The following C10orf90 variants were observed in gnomAD, a reference collection of about 807,000 sequenced individuals.
C10orf90 encodes chromosome 10 open reading frame 90.
A neutral mutation model predicts 62.5 loss-of-function variants in C10orf90; 56 were observed. That is an observed-to-expected ratio of 0.90 (90% CI 0.72 to 1.12). The LOEUF is 1.12. Among genes scored for constraint, C10orf90 ranks in the 50% most tolerant of loss-of-function variants. The pLI is 0.00. For synonymous variants in C10orf90, 386 were observed against 340.4 expected (o/e 1.13, Z -1.47); for missense variants, 970 against 880.4 (o/e 1.10, Z -1.29).
chr10:126,492,067 A>C (rs1263069778), intron 4 of C10orf90, among the ~76,000 whole-genome samples: 1 of 152,236 alleles, frequency 6.6e-6, no homozygotes, highest in Non-Finnish European at 1.5e-5. Flanking sequence ...CGGATCCTGG[A>C]ACAGAAAAAG....
intron 2 of C10orf90, among the ~76,000 whole-genome samples, chr10:126,565,161 AT>A (rs376141688): frequency 0.17 from 4,785 of 28,606 alleles, 680 homozygotes; most frequent in Non-Finnish European, 0.22. Context: ...GTAATATAAT[AT>A]TTATATTACA....
chr10:126,594,552 G>A (rs536856898), intron 2 of C10orf90, among the ~76,000 whole-genome samples: 1 of 152,258 alleles, frequency 6.6e-6, no homozygotes, highest in East Asian at 1.9e-4. Flanking sequence ...CACCCTCCTG[G>A]TGACTGTATT....
At chr10:126,549,962 T>TC (rs1864593914) in intron 2 of C10orf90, among the ~76,000 whole-genome samples, 1 of 150,710 alleles carries the variant, frequency 6.6e-6, no homozygotes, top group African/African-American at 2.4e-5. Context: ...GCTTTCTTTT[T>TC]TTTTTTTTTT....
intron 2 of C10orf90, among the ~76,000 whole-genome samples, chr10:126,565,387 TATATATATTATATTATATATA>T (rs1844352884): frequency 1.3e-5 from 1 of 74,564 alleles, no homozygotes; most frequent in Non-Finnish European, 2.4e-5. Context: ...TAATATATAT[TATATATATTATATTATATATA>T]ATATATATTA....
rs539136830 is a variant in C10orf90 at position 126,560,407 on chromosome 10, G to A, written c.314-46468C>T. ...AAATGGTGAATAATAAGCTGCCGAC[G>A]CGCACGGTGCATGGTTGGAGGCCCT... is the stretch of plus-strand genomic sequence containing the variant. On this transcript the variant is annotated intron_variant, in intron 2 of 9. Coordinates refer to ENST00000488181, the MANE Select transcript of C10orf90 (RefSeq NM_001350921.2). Among the ~76,000 whole-genome samples the A allele has an allele frequency of 7.2e-5, 11 of 152,274 alleles. No homozygotes were observed. In the South Asian group the frequency reaches 1.9e-3, roughly 26 times the overall value.
intron 7 of C10orf90, among the ~76,000 whole-genome samples, chr10:126,447,938 G>A (rs1409753424): frequency 6.6e-6 from 1 of 150,950 alleles, no homozygotes; most frequent in Non-Finnish European, 1.5e-5. Flanking sequence ...TGCAACCTCC[G>A]CCTCCGGGGT....
chr10:126,666,918 T>C (rs530526983), intron 1 of C10orf90, among the ~76,000 whole-genome samples: 27 of 150,738 alleles, frequency 1.8e-4, no homozygotes, highest in Middle Eastern at 3.4e-3. Flanking sequence ...AGGCGGAGGT[T>C]GCAGTGAGCC....
At chr10:126,596,350 C>A (rs375456329) in intron 2 of C10orf90, among the ~76,000 whole-genome samples, 2 of 149,470 alleles carry the variant, frequency 1.3e-5, no homozygotes, top group African/African-American at 4.9e-5. Context: ...AAATTAAAAT[C>A]TTGTGCTCCT....
At chr10:126,627,216 G>A (rs566981160) in intron 2 of C10orf90, among the ~76,000 whole-genome samples, 4 of 152,044 alleles carry the variant, frequency 2.6e-5, no homozygotes, top group African/African-American at 9.7e-5. Flanking sequence ...GGCCAGGCTG[G>A]TCTAGACTCC....
chr10:126,504,943 T>C lies in C10orf90; in HGVS notation c.548A>G (p.Gln183Arg), dbSNP rs1862639492. Residue 183 changes from glutamine to arginine, a missense_variant, in exon 4 of 10, where the codon CAA becomes CGA. Transcript: ENST00000488181. This position sits in a 1 kb window ranked among gnomAD's most constrained non-coding sequence, Gnocchi z 4.1. Reference sequence around the variant, plus strand: ...GACTCCGCTGCGGTTAGCCAGAGATTGCTTGGCGTGATGTGCACGAGACTG... The same window carrying C: ...GACTCCGCTGCGGTTAGCCAGAGATCGCTTGGCGTGATGTGCACGAGACTG... ...IAQSRAHHAK[Q>R]SLANRSGVNI... 4 of 1,614,216 alleles carry C rather than the reference T, an allele frequency of 2.5e-6. No individual in the cohort carries two copies. Among genetic ancestry groups the C allele is most frequent in the Non-Finnish European group, 3.4e-6 (4 of 1,180,034 alleles).
Position 126,580,517 on chromosome 10 carries a change from G to A in C10orf90, c.313+66048C>T, listed in dbSNP as rs1262144978. On this transcript the variant is annotated intron_variant, in intron 2 of 9. Transcript: ENST00000488181. ...AAATACAAAAAATCAGCCAGGCGCA[G>A]TGGTGGGCGCCTGTAGTCCCAGCTA... Among the ~76,000 whole-genome samples, 7 of 152,078 alleles carry A rather than the reference G, an allele frequency of 4.6e-5. No individual in the cohort carries two copies. In the East Asian group the frequency reaches 1.2e-3, roughly 25 times the overall value.
intron 2 of C10orf90, among the ~76,000 whole-genome samples, chr10:126,605,124 A>G (rs979114): frequency 0.052 from 7,962 of 152,328 alleles, 261 homozygotes; most frequent in African/African-American, 0.085. Flanking sequence ...CTTACAACTA[A>G]GAAATAAAAA....
chr10:126,517,874 C>G (rs1863525877), intron 2 of C10orf90, among the ~76,000 whole-genome samples: 1 of 142,690 alleles, frequency 7.0e-6, no homozygotes, highest in African/African-American at 2.6e-5. Context: ...CACGCCATCG[C>G]ACTCCAGCCT....
intron 7 of C10orf90, among the ~76,000 whole-genome samples, chr10:126,435,856 C>T (rs1857883421): frequency 2.0e-5 from 3 of 152,240 alleles, no homozygotes; most frequent in South Asian, 4.2e-4. Context: ...CCAAGTGGCA[C>T]ATGAACTCCT....
chr10:126,447,029 C>A (rs886334080), intron 7 of C10orf90, among the ~76,000 whole-genome samples: 1 of 151,914 alleles, frequency 6.6e-6, no homozygotes, highest in African/African-American at 2.4e-5. Flanking sequence ...GGATACACAG[C>A]AGACAAAAGA....
At chr10:126,668,290 AC>A (rs1846674232) in intron 1 of C10orf90, among the ~76,000 whole-genome samples, 1 of 152,134 alleles carries the variant, frequency 6.6e-6, no homozygotes, top group South Asian at 2.1e-4. Context: ...CATCCCAGAG[AC>A]CCTGCTCATT....
intron 2 of C10orf90, among the ~76,000 whole-genome samples, chr10:126,584,630 A>G (rs1844823582): frequency 1.3e-5 from 2 of 152,150 alleles, no homozygotes; most frequent in African/African-American, 4.8e-5. Flanking sequence ...ACGTGTGCCC[A>G]TGTTTTGCCC....
intron 2 of C10orf90, among the ~76,000 whole-genome samples, chr10:126,606,346 T>G (rs1287660673): frequency 6.6e-6 from 1 of 152,246 alleles, no homozygotes; most frequent in Non-Finnish European, 1.5e-5. Context: ...TATGGCTCAT[T>G]GCCCTGACAC....
intron 4 of C10orf90, among the ~76,000 whole-genome samples, chr10:126,499,469 AG>A (rs1298458277): frequency 6.6e-6 from 1 of 152,238 alleles, no homozygotes; most frequent in Non-Finnish European, 1.5e-5. Flanking sequence ...TAGTAAAAAA[AG>A]TCCTCATGGG....
Sources: allele counts gnomAD v4.1 joint callset (sites outside exome capture counted in the v4.1 genomes callset), GRCh38; gene constraint gnomAD v4.1.1; non-coding constraint Gnocchi (gnomAD v3.1); transcripts MANE v1.5; gene names NCBI Gene and HGNC (gene_info 2026-07-23, HGNC 2026-07-21).